The following MRTFB variants were observed in gnomAD, a reference collection of about 807,000 sequenced individuals.
MRTFB encodes the protein myocardin related transcription factor B.
MRTFB carries 29 observed loss-of-function variants against 104.2 expected under a neutral mutation model. That is an observed-to-expected ratio of 0.28 (90% CI 0.21 to 0.38). The LOEUF (loss-of-function observed/expected upper bound fraction) is 0.38, where lower values mean the gene tolerates loss of function less well. MRTFB is among the 10% of genes least tolerant of loss of function. The probability of loss-of-function intolerance (pLI) is 1.00; values close to 1 mark genes in which losing one functional copy is unlikely to be tolerated. For missense variants in MRTFB, 1,270 were observed against 1,341.6 expected (o/e 0.95, Z 0.83); for synonymous variants, 535 against 519.5 (o/e 1.03, Z -0.41).
intron 10 of MRTFB, among the ~76,000 whole-genome samples, chr16:14,245,293 G>C (rs900696207): frequency 6.6e-6 from 1 of 152,060 alleles, no homozygotes; most frequent in African/African-American, 2.4e-5. Context: ...TTGGTCCTTT[G>C]CATTTCCATA....
chr16:14,124,005 T>G (rs1334529970), intron 2 of MRTFB, among the ~76,000 whole-genome samples: 1 of 152,210 alleles, frequency 6.6e-6, no homozygotes, highest in Non-Finnish European at 1.5e-5. Flanking sequence ...GTTGTATTCC[T>G]AGGTATTTTA....
chr16:14,224,293 T>G (rs1220657657), intron 8 of MRTFB, among the ~76,000 whole-genome samples: 1 of 152,224 alleles, frequency 6.6e-6, no homozygotes, highest in African/African-American at 2.4e-5. Context: ...ACAGTTTTGT[T>G]GTTGTGAAAC....
upstream of MRTFB, among the ~76,000 whole-genome samples, chr16:14,066,910 A>G (rs541385245): frequency 1.3e-5 from 2 of 151,224 alleles, no homozygotes; most frequent in African/African-American, 4.9e-5. Context: ...GCCTCATTCA[A>G]TCCTCTCTCC....
chr16:14,085,076 G>GGA (rs1328880835), intron 2 of MRTFB, among the ~76,000 whole-genome samples: 22 of 152,090 alleles, frequency 1.4e-4, no homozygotes, highest in Non-Finnish European at 1.0e-4. Flanking sequence ...GCCTGGAGTT[G>GGA]GAGACCAGCC....
chr16:14,083,159 G>T (rs530276736), intron 2 of MRTFB, among the ~76,000 whole-genome samples: 1 of 150,970 alleles, frequency 6.6e-6, no homozygotes, highest in African/African-American at 2.4e-5. Context: ...CAGATAGTTC[G>T]TTGTTAGTAT....
At chr16:14,109,997 A>G (rs2036188250) in intron 2 of MRTFB, among the ~76,000 whole-genome samples, 1 of 152,254 alleles carries the variant, frequency 6.6e-6, no homozygotes, top group South Asian at 2.1e-4. Flanking sequence ...AAAGGAAACC[A>G]TAAGGGTCAA....
intron 2 of MRTFB, among the ~76,000 whole-genome samples, chr16:14,131,739 A>G (rs750374133): frequency 7.2e-5 from 11 of 152,044 alleles, no homozygotes; most frequent in South Asian, 2.1e-4. Flanking sequence ...CAAAACCACA[A>G]TGAGTTACCA....
the MRTFB span, among the ~76,000 whole-genome samples, chr16:14,032,332 T>C: frequency 6.6e-6 from 1 of 152,176 alleles, no homozygotes; most frequent in Admixed American, 6.5e-5. Flanking sequence ...GGACAGGGTT[T>C]TGGAGAGCGT....
chr16:14,073,911 A>G (rs1461552273), intron 1 of MRTFB, among the ~76,000 whole-genome samples: 1 of 152,194 alleles, frequency 6.6e-6, no homozygotes, highest in South Asian at 2.1e-4. Flanking sequence ...AAACTTTGCT[A>G]GTCTTGCTGC....
chr16:14,185,217 T>G (rs1341749192), intron 3 of MRTFB, among the ~76,000 whole-genome samples: 4 of 152,178 alleles, frequency 2.6e-5, no homozygotes, highest in Admixed American at 6.5e-5. Context: ...GAATTTCAGT[T>G]GACAAGAAGC....
the MRTFB span, among the ~76,000 whole-genome samples, chr16:14,056,166 A>T: frequency 7.1e-4 from 108 of 152,086 alleles, no homozygotes; most frequent in African/African-American, 2.6e-3. Context: ...TTCAGTAGAG[A>T]CAGGGTTTCG....
chr16:14,105,057 A>T (rs2035898970), intron 2 of MRTFB, among the ~76,000 whole-genome samples: 1 of 152,182 alleles, frequency 6.6e-6, no homozygotes, highest in Non-Finnish European at 1.5e-5. Context: ...AAAAAAAAGT[A>T]AGTGAACTGA....
At chr16:14,091,588 C>T (rs1567311875) in intron 2 of MRTFB, among the ~76,000 whole-genome samples, 1 of 152,076 alleles carries the variant, frequency 6.6e-6, no homozygotes, top group South Asian at 2.1e-4. Flanking sequence ...ACTGAGAGTT[C>T]CTGGAAGAAG....
Position 14,139,600 on chromosome 16 carries a change from T to C in MRTFB, c.-63-944T>C, listed in dbSNP as rs2037892644. Reference sequence around the variant, plus strand: ...CATGCTTTTACTTCTCTTGGGTAAATACAATCTTGGTATTTACCATTTGGA... The same window carrying C: ...CATGCTTTTACTTCTCTTGGGTAAACACAATCTTGGTATTTACCATTTGGA... On this transcript the variant is annotated intron_variant, in intron 2 of 16. Coordinates refer to ENST00000571589, the MANE Select transcript of MRTFB (RefSeq NM_001308142.2). Among the ~76,000 whole-genome samples, 4 of 152,344 alleles carry C rather than the reference T, an allele frequency of 2.6e-5. No individual in the cohort carries two copies. In the South Asian group the frequency reaches 8.3e-4, roughly 32 times the overall value.
the MRTFB span, among the ~76,000 whole-genome samples, chr16:14,062,074 A>ATTTTG: frequency 0.017 from 2,559 of 150,628 alleles, 68 homozygotes; most frequent in African/African-American, 0.056. Flanking sequence ...AAGGACCCAG[A>ATTTTG]TTTTGTTTTG....
the MRTFB span, among the ~76,000 whole-genome samples, chr16:14,034,031 T>A: frequency 6.6e-6 from 1 of 152,084 alleles, no homozygotes; most frequent in South Asian, 2.1e-4. Context: ...CATCATCAGG[T>A]TGTCCGCTCC....
chr16:14,025,212 A>T, the MRTFB span, among the ~76,000 whole-genome samples: 1 of 152,204 alleles, frequency 6.6e-6, no homozygotes, highest in South Asian at 2.1e-4. Flanking sequence ...ACAGGGTTTC[A>T]CTTTGCCTCC....
At position 14,158,052 on chromosome 16, in the gene MRTFB, G is replaced by A. The variant is rs185096343; in HGVS notation, c.154+17292G>A. Among the ~76,000 whole-genome samples the A allele has an allele frequency of 2.0e-3, 308 of 152,264 alleles. 3 individuals are homozygous for A. Among genetic ancestry groups the A allele is most frequent in the African/African-American group, 7.1e-3 (294 of 41,552 alleles). On this transcript the variant is annotated intron_variant, in intron 3 of 16. Transcript: ENST00000571589. Reference sequence around the variant, plus strand: ...AGCTATATGGTTTTTATAAGGGATAGTTCCCCCACTTTTGCTTTCTTAAGG... The same window carrying A: ...AGCTATATGGTTTTTATAAGGGATAATTCCCCCACTTTTGCTTTCTTAAGG...
At chr16:14,207,678 G>A (rs2041009965) in intron 3 of MRTFB, among the ~76,000 whole-genome samples, 1 of 152,198 alleles carries the variant, frequency 6.6e-6, no homozygotes, top group South Asian at 2.1e-4. Context: ...CCTAGAGAGG[G>A]CATGGGAGCT....
Sources: gnomAD v4.1 joint callset for allele counts (sites outside exome capture counted in the v4.1 genomes callset) on GRCh38, gnomAD v4.1.1 for gene constraint, MANE v1.5 for transcripts, NCBI Gene and HGNC (gene_info 2026-07-23, HGNC 2026-07-21) for gene names.